The following MAGI2 variants were observed in gnomAD, a reference collection of about 807,000 sequenced individuals.
MAGI2 encodes the protein membrane associated guanylate kinase, WW and PDZ domain containing 2, also known as membrane-associated guanylate kinase, WW and PDZ domain-containing protein 2.
In MAGI2, 35 loss-of-function variants were observed where a neutral mutation model predicts 133.3. That is an observed-to-expected ratio of 0.26 (90% CI 0.20 to 0.35). The LOEUF is 0.35. Ranked by LOEUF, MAGI2 falls within the 10% of genes least tolerant of loss-of-function variation. The pLI, the probability that MAGI2 is intolerant of heterozygous loss-of-function variation, is 1.00. For synonymous variants in MAGI2, 729 were observed against 710.6 expected (o/e 1.03, Z -0.41); for missense variants, 1,636 against 1,863.4 (o/e 0.88, Z 2.25).
intron 6 of MAGI2, among the ~76,000 whole-genome samples, chr7:78,382,307 A>G (rs1794997299): frequency 6.6e-6 from 1 of 151,984 alleles, no homozygotes; most frequent in African/African-American, 2.4e-5. Context: ...GACTTCTCTG[A>G]GTATATCTTT....
At chr7:79,025,657 A>G (rs915787289) in intron 1 of MAGI2, among the ~76,000 whole-genome samples, 8 of 150,848 alleles carry the variant, frequency 5.3e-5, no homozygotes, top group African/African-American at 1.9e-4. Context: ...AGGAAGGACC[A>G]TGGGAAGATT....
chr7:78,500,096 TTG>T (rs1032536054), intron 5 of MAGI2, among the ~76,000 whole-genome samples: 4 of 152,328 alleles, frequency 2.6e-5, no homozygotes, highest in Admixed American at 6.5e-5. Flanking sequence ...CTGCAAAACA[TTG>T]TGTTTCTCAT....
chr7:79,291,623 G>A (rs956876926), intron 1 of MAGI2, among the ~76,000 whole-genome samples: 1 of 152,112 alleles, frequency 6.6e-6, no homozygotes, highest in Non-Finnish European at 1.5e-5. Context: ...AGCATGAAGT[G>A]ATATCACATT....
intron 2 of MAGI2, among the ~76,000 whole-genome samples, chr7:78,667,707 A>G (rs1375164550): frequency 3.3e-5 from 5 of 151,970 alleles, no homozygotes; most frequent in African/African-American, 1.2e-4. Flanking sequence ...ATGTCCCTAC[A>G]AAGGACATGA....
chr7:78,915,835 G>A (rs1007879796), intron 2 of MAGI2, among the ~76,000 whole-genome samples: 1 of 151,986 alleles, frequency 6.6e-6, no homozygotes, highest in African/African-American at 2.4e-5. Flanking sequence ...ATGGCAAGGA[G>A]TGGGGGACTG....
At chr7:79,059,087 C>A (rs891340343) in intron 1 of MAGI2, among the ~76,000 whole-genome samples, 1 of 151,812 alleles carries the variant, frequency 6.6e-6, no homozygotes, top group Non-Finnish European at 1.5e-5. Flanking sequence ...TTACCTTTAA[C>A]GGCAAAAACT....
rs374543762 is a variant in MAGI2, at chr7:78,369,164, A to G, written c.1095T>C (p.Tyr365=). ...CACACTTAGAGACTTACTCAACATAATAAGTGCCATAAATGGGATCATCGA... is the reference window on the plus strand; with the variant it reads ...CACACTTAGAGACTTACTCAACATAGTAAGTGCCATAAATGGGATCATCGA... The part of the protein sequence containing the change: ...EKIDDPIYGT[Y]YVDHINRRTQ... The change falls in exon 7 of 22, where the codon TAT becomes TAC. Residue 365 remains tyrosine (Y), a synonymous_variant. Coordinates refer to ENST00000354212, the MANE Select transcript of MAGI2 (RefSeq NM_012301.4). The G allele has an allele frequency of 1.3e-5, 21 of 1,601,566 alleles. No individual in the cohort carries two copies. The African/African-American group carries it at 2.4e-4, about 18-fold the overall frequency.
chr7:78,474,597 C>T (rs1245375287), intron 6 of MAGI2, among the ~76,000 whole-genome samples: 1 of 151,818 alleles, frequency 6.6e-6, no homozygotes, highest in Non-Finnish European at 1.5e-5. Context: ...AACAAGCTTC[C>T]AATTCTATGA....
chr7:79,157,543 C>A (rs1396836067), intron 1 of MAGI2, among the ~76,000 whole-genome samples: 1 of 135,060 alleles, frequency 7.4e-6, no homozygotes, highest in Non-Finnish European at 1.6e-5. Context: ...GGCCACATCT[C>A]AGATCCTCCT....
intron 2 of MAGI2, among the ~76,000 whole-genome samples, chr7:78,910,204 G>A (rs10259403): frequency 0.083 from 12,596 of 151,296 alleles, 1,210 homozygotes; most frequent in East Asian, 0.22. Flanking sequence ...CATGGCACAC[G>A]TAGACCTATG....
intron 1 of MAGI2, among the ~76,000 whole-genome samples, chr7:79,406,145 G>T (rs1312399156): frequency 6.6e-6 from 1 of 152,018 alleles, no homozygotes; most frequent in Non-Finnish European, 1.5e-5. Flanking sequence ...AGTTTTCCGG[G>T]TTGATAGGTT....
rs532301967 is a variant in MAGI2 at position 78,753,672 on chromosome 7, G to A, written c.419-126433C>T. 1.7e-3 allele frequency among the ~76,000 whole-genome samples: 260 copies of A among 151,694 alleles called. 1 individual carries two copies. The highest frequency in any genetic ancestry group is 3.5e-3 in the South Asian group (17 of 4,812). On this transcript the variant is annotated intron_variant, in intron 2 of 21. Coordinates refer to ENST00000354212, the MANE Select transcript of MAGI2 (RefSeq NM_012301.4). The stretch of plus-strand genomic sequence containing the variant: ...AAACTAACTGATTACAACTAGTTAC[G>A]GATTTCTTTGTTCTTTCTTCACTCC...
chr7:78,831,878 T>C (rs577027974), intron 2 of MAGI2, among the ~76,000 whole-genome samples: 3 of 152,348 alleles, frequency 2.0e-5, no homozygotes, highest in African/African-American at 7.2e-5. Flanking sequence ...AAGAGAGTTA[T>C]AATTTTCATG....
chr7:78,177,987 G>A, intron 14 of MAGI2, 24 bp downstream of exon 14: 1 of 1,541,770 alleles, frequency 6.5e-7, no homozygotes, highest in South Asian at 1.1e-5. Flanking sequence ...CCCCAAGCAT[G>A]GAAATAAAGA....
intron 1 of MAGI2, among the ~76,000 whole-genome samples, chr7:79,132,972 T>C (rs1490029186): frequency 6.6e-6 from 1 of 152,176 alleles, no homozygotes; most frequent in Non-Finnish European, 1.5e-5. Context: ...TTCATTCATG[T>C]CCGTTGTCCA....
At chr7:78,414,284 A>G (rs756922348) in intron 6 of MAGI2, among the ~76,000 whole-genome samples, 3 of 150,316 alleles carry the variant, frequency 2.0e-5, no homozygotes, top group South Asian at 4.2e-4. Flanking sequence ...AATAAGGTAT[A>G]ATATAGAAAT....
At chr7:79,309,289 C>A (rs1474329151) in intron 1 of MAGI2, among the ~76,000 whole-genome samples, 2 of 151,712 alleles carry the variant, frequency 1.3e-5, no homozygotes, top group African/African-American at 4.8e-5. Flanking sequence ...ATAGATAAAT[C>A]TTTCAAGATT....
At chr7:79,076,057 C>A (rs1815433085) in intron 1 of MAGI2, among the ~76,000 whole-genome samples, 2 of 152,164 alleles carry the variant, frequency 1.3e-5, no homozygotes, top group African/African-American at 4.8e-5. Context: ...TCTCGTTATA[C>A]TTAAGGGTGG....
chr7:79,179,367 A>G (rs1391657451), intron 1 of MAGI2, among the ~76,000 whole-genome samples: 1 of 152,026 alleles, frequency 6.6e-6, no homozygotes, highest in Non-Finnish European at 1.5e-5. Flanking sequence ...CAATCAACAG[A>G]TTCAATGAAA....
Sources: allele counts gnomAD v4.1 joint callset (sites outside exome capture counted in the v4.1 genomes callset), GRCh38; gene constraint gnomAD v4.1.1; transcripts MANE v1.5; gene names NCBI Gene and HGNC (gene_info 2026-07-23, HGNC 2026-07-21).